The following FUOM variants were observed in gnomAD, a reference collection of about 807,000 sequenced individuals.
The protein encoded by FUOM is fucose mutarotase, also known as protein fucU homolog.
A neutral mutation model predicts 18.3 loss-of-function variants in FUOM; 19 were observed. The observed-to-expected ratio is 1.04, with a 90% CI of 0.73 to 1.53. The LOEUF is 1.53. Ranked by LOEUF, FUOM falls within the 40% of genes most tolerant of loss-of-function variation. FUOM has a pLI of 0.00. For synonymous variants in FUOM, 102 were observed against 87.9 expected, an observed-to-expected ratio of 1.16 and a Z score of -0.90; for missense variants, 210 against 200.9, an observed-to-expected ratio of 1.04 and a Z score of -0.27.
rs1451647273 is a variant in FUOM, at chr10:133,355,720, G to C, written c.398+18C>G. 1 of 1,612,504 alleles carries C rather than the reference G, an allele frequency of 6.2e-7. No homozygotes were observed. Among genetic ancestry groups the C allele is most frequent in the South Asian group, 1.1e-5 (1 of 91,074 alleles). On this transcript the variant is annotated intron_variant, in intron 5 of 5. Transcript: ENST00000278025. ...GCCCCAGTGGGGATGGGGCAGGTCT[G>C]AGCCAGCTGGAACTCACCCCGTTGC...
chr10:133,357,902 GC>G lies in FUOM; in HGVS notation c.85+20del. Reference sequence around the variant, plus strand: ...TGCCTGTCCCGGGGTGCTCCCCGAGGCCCCGGCCCGCTGCGCTCACCGATCT... The same window carrying G: ...TGCCTGTCCCGGGGTGCTCCCCGAGGCCCGGCCCGCTGCGCTCACCGATCT... On this transcript the variant is annotated intron_variant, in intron 1 of 5. Coordinates refer to ENST00000278025, the MANE Select transcript of FUOM (RefSeq NM_001098483.3). 3.3e-6 allele frequency: 5 copies of G among 1,514,920 alleles called. No individual in the cohort carries two copies. The highest frequency in any genetic ancestry group is 3.5e-6 in the Non-Finnish European group (4 of 1,134,350). 93.8% of individuals were successfully genotyped at this position (1,514,920 alleles called of 1,614,324 possible).
chr10:133,357,850 G>T, intron 1 of FUOM, 73 bp downstream of exon 1: 1 of 1,326,812 alleles, frequency 7.5e-7, no homozygotes, highest in Non-Finnish European at 1.0e-6. Context: ...TCCCGGCCCG[G>T]GGGTCCCCGT....
chr10:133,355,737 C>T lies in FUOM; in HGVS notation c.398+1G>A, dbSNP rs1394913172. 1.2e-6 allele frequency: 2 copies of T among 1,613,232 alleles called. No homozygotes were observed. The highest frequency in any genetic ancestry group is 1.3e-5 in the African/African-American group (1 of 75,058). ...GCAGGTCTGAGCCAGCTGGAACTCA[C>T]CCCGTTGCCACAACAGCAAAAGCCT... On this transcript the variant is annotated splice_donor_variant, in intron 5 of 5. Coordinates refer to ENST00000278025, the MANE Select transcript of FUOM (RefSeq NM_001098483.3). LOFTEE classifies it high-confidence loss of function.
At chr10:133,356,121 A>G (rs60096637) in intron 4 of FUOM, among the ~76,000 whole-genome samples, 12,864 of 152,224 alleles carry the variant, frequency 0.085, 1,331 homozygotes, top group African/African-American at 0.25. Flanking sequence ...TGCCCAGGAC[A>G]AGAGCCCCTG....
At position 133,355,333 on chromosome 10, in the gene FUOM, C is replaced by T. The variant is rs775753981; in HGVS notation, c.*37G>A. On this transcript the variant is annotated 3_prime_UTR_variant, in exon 6 of 6. Transcript: ENST00000278025. ...GGTGGTACTGGAGCTCAGGGTGCCC[C>T]CAGTTCCTCTTCCGGCCCAGGTGGT... 2.6e-6 allele frequency: 4 copies of T among 1,563,982 alleles called. No homozygotes were observed. The highest frequency in any genetic ancestry group is 1.3e-5 in the African/African-American group (1 of 74,118).
chr10:133,356,578 C>G lies in FUOM; in HGVS notation c.324+62G>C, dbSNP rs1040558135. 1.4e-5 allele frequency: 19 copies of G among 1,328,578 alleles called. No homozygotes were observed. The African/African-American group carries it at 2.8e-4, about 20-fold the overall frequency. 82.3% of individuals were successfully genotyped at this position (1,328,578 alleles called of 1,614,324 possible). A position where few individuals can be genotyped will look rare whatever the true frequency, so the allele number is the denominator to read the frequency against. On this transcript the variant is annotated intron_variant, in intron 4 of 5. Transcript: ENST00000278025. Reference sequence around the variant, plus strand: ...TGGGACCCTCTGTCTTTGGCTCCTCCTGAGCCTCCAGGAGACAGAGGGTCC... The same window carrying G: ...TGGGACCCTCTGTCTTTGGCTCCTCGTGAGCCTCCAGGAGACAGAGGGTCC...
rs1472324455 is a variant in FUOM at position 133,357,924 on chromosome 10, G to A, written c.84C>T (p.Ile28=). ...GAGGCCCCGGCCCGCTGCGCTCACCGATCTCGTCCCCGTGCCCCATCCGCG... is the reference window on the plus strand; with the variant it reads ...GAGGCCCCGGCCCGCTGCGCTCACCAATCTCGTCCCCGTGCCCCATCCGCG... ...ALARMGHGDE[I]VLADLNFPAS... The change falls in exon 1 of 6, where the codon ATC becomes ATT. Residue 28 remains isoleucine, a splice_region_variant and synonymous_variant. Transcript: ENST00000278025. 2.6e-6 allele frequency: 4 copies of A among 1,523,264 alleles called. No individual in the cohort carries two copies. The highest frequency in any genetic ancestry group is 3.5e-6 in the Non-Finnish European group (4 of 1,139,152). The allele number at this position is 1,523,264 out of a possible 1,614,324, so 94.4% of individuals were successfully genotyped here. A position where few individuals can be genotyped will look rare whatever the true frequency, so the allele number is the denominator to read the frequency against.
rs753589954 is a variant in FUOM at position 133,355,378 on chromosome 10, G to C, written c.457C>G (p.Leu153Val). The C allele has an allele frequency of 1.9e-6, 3 of 1,605,844 alleles. No homozygotes were observed. In the East Asian group the frequency reaches 6.7e-5, roughly 36 times the overall value. Residue 153 changes from leucine (L) to valine (V), a missense_variant, in exon 6 of 6, where the codon CTG becomes GTG. Leu to Val is a conservative substitution (Grantham distance 32, BLOSUM62 1). Transcript: ENST00000278025. ...LRKGVLALNP[L>V]L Reference sequence around the variant, plus strand: ...GGTGGTCTTCACCAGGCCTACAGCAGGGGGTTGAGGGCAAGCACCCCCTTC... The same window carrying C: ...GGTGGTCTTCACCAGGCCTACAGCACGGGGTTGAGGGCAAGCACCCCCTTC...
At chr10:133,352,840 A>G (rs1417637986), downstream of FUOM, among the ~76,000 whole-genome samples, 1 of 152,202 alleles carries the variant, frequency 6.6e-6, no homozygotes, top group African/African-American at 2.4e-5. Context: ...TCAATCAATC[A>G]ATCAATCAAC....
At chr10:133,357,059 G>T (rs1429581028) in intron 2 of FUOM, 46 bp from the exon 3 acceptor site, 2 of 1,539,382 alleles carry the variant, frequency 1.3e-6, no homozygotes, top group African/African-American at 2.7e-5. Flanking sequence ...CCGCCCGCCC[G>T]CCTGCCTGTC....
At position 133,355,812 on chromosome 10, in the gene FUOM, C is replaced by T; in HGVS notation, c.325-1G>A. ...ACCTCTCTATCTTTGCCAGGGCTCTCTGGAAGACAAAATGGCAGGGTTGGA... is the reference window on the plus strand; with the variant it reads ...ACCTCTCTATCTTTGCCAGGGCTCTTTGGAAGACAAAATGGCAGGGTTGGA... On this transcript the variant is annotated splice_acceptor_variant, in intron 4 of 5. Transcript: ENST00000278025. LOFTEE classifies it high-confidence loss of function. 6.2e-7 allele frequency: 1 copy of T among 1,612,708 alleles called. No homozygotes were observed. Among genetic ancestry groups the T allele is most frequent in the East Asian group, 2.2e-5 (1 of 44,880 alleles).
intron 4 of FUOM, among the ~76,000 whole-genome samples, chr10:133,356,187 G>T (rs1317126484): frequency 6.6e-6 from 1 of 152,236 alleles, no homozygotes; most frequent in Non-Finnish European, 1.5e-5. Flanking sequence ...CAGGAAAATG[G>T]GCCTGTCCCC....
chr10:133,357,821 C>A, intron 1 of FUOM, 102 bp downstream of exon 1: 1 of 908,670 alleles, frequency 1.1e-6, no homozygotes, highest in South Asian at 1.7e-5. Context: ...GCAACGCCCA[C>A]ACCCCAGGAC....
At chr10:133,357,699 G>C in intron 1 of FUOM, 1 of 525,358 alleles carries the variant, frequency 1.9e-6, no homozygotes, top group Non-Finnish European at 3.3e-6. Flanking sequence ...GGCCGTCTGG[G>C]GAGGGACTCC....
At position 133,357,012 on chromosome 10, in the gene FUOM, G is replaced by C; in HGVS notation, c.156C>G (p.Gly52=). ...CCTCCAGGAGCTGCGGGATGCCCAG[G>C]CCTGGAGGGCAGAGGAGGCAGCACT... ...QCGPMEIRAD[G]LGIPQLLEAV... Residue 52 remains glycine (G), a splice_region_variant and synonymous_variant, in exon 3 of 6, where the codon GGC becomes GGG. Transcript: ENST00000278025. The C allele has an allele frequency of 6.5e-7, 1 of 1,549,952 alleles. No homozygotes were observed. The highest frequency in any genetic ancestry group is 8.7e-7 in the Non-Finnish European group (1 of 1,146,914).
intron 1 of FUOM, 196 bp downstream of exon 1, chr10:133,357,727 G>A: frequency 3.7e-6 from 2 of 535,450 alleles, no homozygotes; most frequent in Non-Finnish European, 6.5e-6. Flanking sequence ...GCTCGGGCCG[G>A]CTCCGCCCAG....
At chr10:133,355,625 A>AGGCAGAAGCTGAGAAGAGGGTAGG in intron 5 of FUOM, 113 bp downstream of exon 5, 1 of 1,558,544 alleles carries the variant, frequency 6.4e-7, no homozygotes, top group Non-Finnish European at 8.8e-7. Context: ...AGCCTCAGCC[A>AGGCAGAAGCTGAGAAGAGGGTAGG]GGCAGAAGCT....
chr10:133,355,003 G>C (rs73389545), downstream of FUOM, among the ~76,000 whole-genome samples: 11,213 of 152,028 alleles, frequency 0.074, 942 homozygotes, highest in African/African-American at 0.21. Context: ...CCAGCCCTTG[G>C]TGTCCCCAGG....
At chr10:133,357,316 C>T in intron 1 of FUOM, 61 bp from the exon 2 acceptor site, 7 of 1,482,322 alleles carry the variant, frequency 4.7e-6, no homozygotes, top group Non-Finnish European at 6.5e-6. Context: ...GTCGGCGCCG[C>T]CCGTCCTCCC....
Sources: gnomAD v4.1 joint callset for allele counts (sites outside exome capture counted in the v4.1 genomes callset) on GRCh38, gnomAD v4.1.1 for gene constraint, MANE v1.5 for transcripts, NCBI Gene and HGNC (gene_info 2026-07-23, HGNC 2026-07-21) for gene names.